Variants in RIPOR2 observed in about 807,000 individuals in gnomAD.
The protein encoded by RIPOR2 is rho family-interacting cell polarization regulator 2.
Under a neutral mutation model 114.5 loss-of-function variants are expected in RIPOR2, and 39 were observed. That is an observed-to-expected ratio of 0.34 (90% CI 0.26 to 0.44). The LOEUF (loss-of-function observed/expected upper bound fraction) is 0.44. RIPOR2 is among the 20% of genes least tolerant of loss of function. The pLI, the probability that RIPOR2 is intolerant of heterozygous loss-of-function variation, is 1.00. For synonymous variants in RIPOR2, 445 were observed against 484.4 expected, an observed-to-expected ratio of 0.92 and a Z score of 1.07; for missense variants, 1,007 against 1,255.1, an observed-to-expected ratio of 0.80 and a Z score of 2.99.
chr6:24,956,598 T>C (rs545909189), intron 1 of RIPOR2, among the ~76,000 whole-genome samples: 32 of 152,336 alleles, frequency 2.1e-4, no homozygotes, highest in African/African-American at 7.5e-4. Flanking sequence ...ATCCCCACTT[T>C]CTAGATGAGG....
chr6:24,930,357 G>A (rs1468919317), intron 1 of RIPOR2, among the ~76,000 whole-genome samples: 3 of 152,118 alleles, frequency 2.0e-5, no homozygotes, highest in African/African-American at 7.2e-5. Context: ...GTTAAGACTT[G>A]GCTTGCTGCT....
At chr6:24,949,162 C>G (rs1301094657) in intron 1 of RIPOR2, among the ~76,000 whole-genome samples, 1 of 152,058 alleles carries the variant, frequency 6.6e-6, no homozygotes, top group Non-Finnish European at 1.5e-5. Flanking sequence ...ACAAACAGCG[C>G]TGAAGGCAGT....
intron 1 of RIPOR2, among the ~76,000 whole-genome samples, chr6:25,040,177 A>C (rs1777403691): frequency 6.6e-6 from 1 of 150,964 alleles, no homozygotes; most frequent in South Asian, 2.1e-4. Context: ...GTACAATGGC[A>C]CAATCTCCGC....
At chr6:24,891,824 A>G (rs1256801235) in intron 1 of RIPOR2, among the ~76,000 whole-genome samples, 1 of 152,122 alleles carries the variant, frequency 6.6e-6, no homozygotes, top group East Asian at 1.9e-4. Flanking sequence ...TCCTTAGCCA[A>G]TTTACCTAGA....
intron 1 of RIPOR2, among the ~76,000 whole-genome samples, chr6:24,921,651 GC>G (rs143776369): frequency 6.8e-5 from 10 of 146,888 alleles, no homozygotes; most frequent in South Asian, 2.2e-4. Flanking sequence ...AACACTTATC[GC>G]CCCCCCCGAC....
intron 1 of RIPOR2, among the ~76,000 whole-genome samples, chr6:25,012,538 G>A (rs1775815508): frequency 6.6e-6 from 1 of 152,154 alleles, no homozygotes; most frequent in African/African-American, 2.4e-5. Flanking sequence ...AATATAATTT[G>A]TCTATAAAAA....
intron 1 of RIPOR2, among the ~76,000 whole-genome samples, chr6:24,931,605 C>T (rs779161290): frequency 2.6e-5 from 4 of 152,224 alleles, no homozygotes; most frequent in Non-Finnish European, 5.9e-5. Flanking sequence ...TTGCACTCTA[C>T]CAGCTCTGGG....
intron 1 of RIPOR2, among the ~76,000 whole-genome samples, chr6:24,952,865 T>G (rs1466455190): frequency 6.6e-6 from 1 of 152,164 alleles, no homozygotes; most frequent in Non-Finnish European, 1.5e-5. Flanking sequence ...CACATGTAAA[T>G]AAGGAGTAGC....
intron 1 of RIPOR2, among the ~76,000 whole-genome samples, chr6:24,988,575 T>C (rs183497773): frequency 3.7e-4 from 57 of 152,360 alleles, no homozygotes; most frequent in South Asian, 3.3e-3. Flanking sequence ...AAATATCTTA[T>C]AAAAGATCTG....
intron 1 of RIPOR2, among the ~76,000 whole-genome samples, chr6:24,968,066 C>G (rs1037726653): frequency 1.3e-5 from 2 of 151,998 alleles, no homozygotes; most frequent in Admixed American, 1.3e-4. Context: ...GCACGTGTCA[C>G]CACACCTGGC....
chr6:24,951,706 C>T (rs766243720), intron 1 of RIPOR2, among the ~76,000 whole-genome samples: 9 of 152,090 alleles, frequency 5.9e-5, no homozygotes, highest in Non-Finnish European at 1.2e-4. Flanking sequence ...GTTGGTGGGG[C>T]GGAGTTTTTA....
intron 1 of RIPOR2, among the ~76,000 whole-genome samples, chr6:25,041,156 A>C (rs1452067472): frequency 6.6e-6 from 1 of 151,878 alleles, no homozygotes; most frequent in African/African-American, 2.4e-5. Flanking sequence ...GACCCCTTTC[A>C]CTCATTCTTC....
At chr6:24,941,424 T>C (rs943331366) in intron 1 of RIPOR2, among the ~76,000 whole-genome samples, 19 of 151,988 alleles carry the variant, frequency 1.3e-4, no homozygotes, top group African/African-American at 4.1e-4. Context: ...TTGACAGGGC[T>C]GAGTTACAAT....
chr6:24,947,016 A>AAAGAAAG (rs1256196079), intron 1 of RIPOR2, among the ~76,000 whole-genome samples: 1 of 152,224 alleles, frequency 6.6e-6, no homozygotes, highest in African/African-American at 2.4e-5. Context: ...TATGTGACAG[A>AAAGAAAG]AAGAAAGAAG....
In RIPOR2 at chr6:24,848,126, A is replaced by G. The variant is rs566540747; in HGVS notation, c.1063T>C (p.Ser355Pro). ...GCTGCCTTGTTCCCAGCGCCTGAGG[A>G]TGCGGTCATGTCCTCCACGTCAAAT... ...YPFDVEDMTA[S>P]SGAGNKAAAL... is the part of the protein sequence containing the mutation. Residue 355 changes from serine to proline, a missense_variant, in exon 12 of 22, where the codon TCC (serine) becomes CCC (proline). Physicochemically the swap from Ser to Pro is moderately conservative, Grantham distance 74 (BLOSUM62 -1). Transcript: ENST00000643898. 2 of 1,613,720 alleles carry G rather than the reference A, an allele frequency of 1.2e-6. No individual in the cohort carries two copies. Among genetic ancestry groups the G allele is most frequent in the East Asian group, 4.5e-5 (2 of 44,850 alleles).
At chr6:24,996,298 C>A (rs1775042903) in intron 1 of RIPOR2, among the ~76,000 whole-genome samples, 1 of 152,014 alleles carries the variant, frequency 6.6e-6, no homozygotes, top group South Asian at 2.1e-4. Flanking sequence ...AACAAAAGAT[C>A]AAAAAAATTA....
At chr6:24,966,819 A>G (rs1218508630) in intron 1 of RIPOR2, among the ~76,000 whole-genome samples, 2 of 152,214 alleles carry the variant, frequency 1.3e-5, no homozygotes, top group Admixed American at 6.5e-5. Flanking sequence ...AAGAATTTGT[A>G]TCTAATTAAA....
chr6:24,889,027 T>C (rs565945309), intron 1 of RIPOR2, among the ~76,000 whole-genome samples: 1 of 152,242 alleles, frequency 6.6e-6, no homozygotes, highest in South Asian at 2.1e-4. Context: ...CCTGTTGTTA[T>C]GACAACACTT....
chr6:24,992,081 T>G (rs757302034), intron 1 of RIPOR2, among the ~76,000 whole-genome samples: 3 of 152,170 alleles, frequency 2.0e-5, no homozygotes, highest in African/African-American at 2.4e-5. Flanking sequence ...GTCAGAGTGT[T>G]GTATTAACAG....
Sources: allele counts gnomAD v4.1 joint callset (sites outside exome capture counted in the v4.1 genomes callset), GRCh38; gene constraint gnomAD v4.1.1; transcripts MANE v1.5; gene names NCBI Gene and HGNC (gene_info 2026-07-23, HGNC 2026-07-21).